HDAC9: variants seen among roughly 807,000 people sequenced by gnomAD.
HDAC9 encodes MEF-2 interacting transcription repressor (MITR) protein.
A neutral mutation model predicts 139.4 loss-of-function variants in HDAC9; 41 were observed. The ratio of observed to expected loss-of-function variants is 0.29; its 90% CI spans 0.23 to 0.38. HDAC9 has a LOEUF of 0.38. Ranked by LOEUF, HDAC9 falls within the 10% of genes least tolerant of loss-of-function variation. HDAC9 has a pLI of 1.00. For synonymous variants in HDAC9, 517 were observed against 476.2 expected (o/e 1.09, Z -1.12); for missense variants, 1,147 against 1,297.0 (o/e 0.88, Z 1.78).
At chr7:18,137,672 A>G (rs962506972) in intron 1 of HDAC9, among the ~76,000 whole-genome samples, 1 of 151,138 alleles carries the variant, frequency 6.6e-6, no homozygotes, top group Admixed American at 6.6e-5. Flanking sequence ...ATCATGGTGG[A>G]TAAGCTTTTT....
intron 2 of HDAC9, among the ~76,000 whole-genome samples, chr7:18,210,850 G>A (rs550657348): frequency 4.6e-5 from 7 of 152,246 alleles, no homozygotes; most frequent in East Asian, 3.9e-4. Flanking sequence ...ATGACAGTCC[G>A]GAGGAGAAGA....
At chr7:18,657,048 C>T (rs1334828882) in intron 11 of HDAC9, among the ~76,000 whole-genome samples, 1 of 152,058 alleles carries the variant, frequency 6.6e-6, no homozygotes, top group Non-Finnish European at 1.5e-5. Flanking sequence ...TGATGTTCAA[C>T]ATTTTTTCAT....
intron 1 of HDAC9, among the ~76,000 whole-genome samples, chr7:18,449,662 T>C (rs1441530731): frequency 6.6e-6 from 1 of 152,156 alleles, no homozygotes; most frequent in Non-Finnish European, 1.5e-5. Context: ...CCATGGCTCT[T>C]CCACCCTTCA....
chr7:18,414,228 T>G (rs375985509), intron 1 of HDAC9, among the ~76,000 whole-genome samples: 2 of 152,162 alleles, frequency 1.3e-5, no homozygotes, highest in South Asian at 2.1e-4. Flanking sequence ...TTTCATTTTG[T>G]TAAAGGAAAT....
chr7:18,689,488 C>G (rs1782520716), intron 12 of HDAC9, among the ~76,000 whole-genome samples: 1 of 152,048 alleles, frequency 6.6e-6, no homozygotes, highest in South Asian at 2.1e-4. Flanking sequence ...CAAACAGTCC[C>G]TTTAGGAATG....
intron 12 of HDAC9, among the ~76,000 whole-genome samples, chr7:18,715,580 G>C (rs996551425): frequency 6.6e-6 from 1 of 152,086 alleles, no homozygotes; most frequent in African/African-American, 2.4e-5. Context: ...TGTTTTCTTG[G>C]AATGAGAGGG....
intron 13 of HDAC9, among the ~76,000 whole-genome samples, chr7:18,733,606 CAT>C (rs970119262): frequency 1.1e-4 from 16 of 151,322 alleles, no homozygotes; most frequent in African/African-American, 1.9e-4. Flanking sequence ...CATATCATAA[CAT>C]AAACATTAAT....
At chr7:18,778,355 T>C (rs1790958963) in intron 16 of HDAC9, among the ~76,000 whole-genome samples, 1 of 151,944 alleles carries the variant, frequency 6.6e-6, no homozygotes, top group Non-Finnish European at 1.5e-5. Context: ...CTGAAAAGTC[T>C]CTGTCCTTGG....
chr7:18,183,730 C>G (rs980653498), intron 2 of HDAC9, among the ~76,000 whole-genome samples: 3 of 152,184 alleles, frequency 2.0e-5, no homozygotes, highest in Non-Finnish European at 4.4e-5. Context: ...AGAGATCCTC[C>G]TGCTTTGGCC....
intron 13 of HDAC9, among the ~76,000 whole-genome samples, chr7:18,735,842 G>C (rs1415405762): frequency 6.6e-6 from 1 of 152,150 alleles, no homozygotes; most frequent in Non-Finnish European, 1.5e-5. Context: ...CCATTTTCAC[G>C]ATATTGGTTC....
At chr7:18,500,550 G>A (rs1798093487) in intron 2 of HDAC9, among the ~76,000 whole-genome samples, 1 of 152,114 alleles carries the variant, frequency 6.6e-6, no homozygotes, top group Admixed American at 6.6e-5. Flanking sequence ...CAGTTCCTGA[G>A]GATTCTCACT....
intron 2 of HDAC9, among the ~76,000 whole-genome samples, chr7:18,191,538 A>G (rs1176850578): frequency 6.6e-6 from 1 of 152,210 alleles, no homozygotes; most frequent in Non-Finnish European, 1.5e-5. Context: ...TTGTGGCAGG[A>G]AACGATAAAC....
chr7:18,855,694 C>G (rs150389038), intron 21 of HDAC9, among the ~76,000 whole-genome samples: 4 of 151,922 alleles, frequency 2.6e-5, no homozygotes, highest in African/African-American at 9.7e-5. Flanking sequence ...GTTAATGTTT[C>G]CCTTGCATAG....
chr7:18,608,113 T>C (rs968605631), intron 6 of HDAC9, among the ~76,000 whole-genome samples: 1 of 152,168 alleles, frequency 6.6e-6, no homozygotes, highest in Non-Finnish European at 1.5e-5. Context: ...ACTGAGGAAA[T>C]ATTCCATGCA....
At chr7:18,545,266 GCTTT>G (rs1563219046) in intron 2 of HDAC9, among the ~76,000 whole-genome samples, 3 of 151,820 alleles carry the variant, frequency 2.0e-5, no homozygotes. Context: ...TTCAACATTA[GCTTT>G]CTTTTTTTTT....
At position 18,810,593 on chromosome 7, in the gene HDAC9, C is replaced by A. The variant is rs183553183; in HGVS notation, c.2322+17141C>A. On this transcript the variant is annotated intron_variant, in intron 17 of 25. Transcript: ENST00000686413. ...GATTTTCATAAAACACACATAATGTCTTTTGACAAATGTCTATACCTGACT... is the reference window on the plus strand; with the variant it reads ...GATTTTCATAAAACACACATAATGTATTTTGACAAATGTCTATACCTGACT... Among the ~76,000 whole-genome samples, 3 of 151,830 alleles carry A rather than the reference C, an allele frequency of 2.0e-5. No individual in the cohort carries two copies. In the South Asian group the frequency reaches 6.2e-4, roughly 31 times the overall value.
chr7:18,180,258 CACA>C (rs1789303127), intron 2 of HDAC9, among the ~76,000 whole-genome samples: 1 of 151,066 alleles, frequency 6.6e-6, no homozygotes, highest in Non-Finnish European at 1.5e-5. Context: ...CACACACACA[CACA>C]CACACACACA....
intron 2 of HDAC9, among the ~76,000 whole-genome samples, chr7:18,180,442 G>C (rs1789331768): frequency 6.6e-6 from 1 of 151,774 alleles, no homozygotes; most frequent in Non-Finnish European, 1.5e-5. Context: ...CTAAGTCACT[G>C]ATAAGATTGA....
intron 1 of HDAC9, chr7:18,127,380 A>T (rs931728801): frequency 2.4e-5 from 4 of 170,180 alleles, no homozygotes; most frequent in African/African-American, 9.6e-5. Context: ...AAACCTTAGT[A>T]GTGTCCCTTC....
Sources: allele counts gnomAD v4.1 joint callset (sites outside exome capture counted in the v4.1 genomes callset), GRCh38; gene constraint gnomAD v4.1.1; transcripts MANE v1.5; gene names NCBI Gene and HGNC (gene_info 2026-07-23, HGNC 2026-07-21).